The following CTNNA1 variants were observed in gnomAD, a reference collection of about 807,000 sequenced individuals.
The protein encoded by CTNNA1 is catenin alpha 1.
In CTNNA1, 37 loss-of-function variants were observed where a neutral mutation model predicts 98.4. The ratio of observed to expected loss-of-function variants is 0.38; its 90% CI spans 0.29 to 0.49. The LOEUF (loss-of-function observed/expected upper bound fraction) is 0.49, where lower values mean the gene tolerates loss of function less well. Among genes scored for constraint, CTNNA1 ranks in the 20% least tolerant of loss-of-function variants. CTNNA1 has a pLI of 0.95. For missense variants in CTNNA1, 761 were observed against 1,147.2 expected (o/e 0.66, Z 4.86); for synonymous variants, 404 against 413.2 (o/e 0.98, Z 0.27).
chr5:138,851,040 A>AG (rs1364407900), intron 7 of CTNNA1, among the ~76,000 whole-genome samples: 1 of 152,230 alleles, frequency 6.6e-6, no homozygotes, highest in East Asian at 1.9e-4. Context: ...AACAAACAAA[A>AG]GGCATTTATT....
At chr5:138,813,685 G>A (rs1019465894) in intron 5 of CTNNA1, among the ~76,000 whole-genome samples, 1 of 152,148 alleles carries the variant, frequency 6.6e-6, no homozygotes, top group African/African-American at 2.4e-5. Flanking sequence ...GAGTACAGTG[G>A]TGGCATCATG....
In CTNNA1 at chr5:138,874,890, A is replaced by C. The variant is rs199741027; in HGVS notation, c.1063-11322A>C. ...ATTCCTTGTTGAATGTACAAGACAT[A>C]TAAATGCACAGACTTACCCATTCTT... is the stretch of plus-strand genomic sequence containing the variant. On this transcript the variant is annotated intron_variant, in intron 7 of 17. Coordinates refer to ENST00000302763, the MANE Select transcript of CTNNA1 (RefSeq NM_001903.5). The surrounding 1 kb of genome is among the most constrained non-coding windows in gnomAD (Gnocchi z 4.1). The C allele has an allele frequency of 1.3e-4, 213 of 1,610,830 alleles. No homozygotes were observed. In the African/African-American group the frequency reaches 2.7e-3, roughly 20 times the overall value.
At chr5:138,931,032 CT>C in intron 16 of CTNNA1, 97 bp downstream of exon 16, 2 of 731,898 alleles carry the variant, frequency 2.7e-6, no homozygotes, top group East Asian at 2.6e-5. Context: ...GGCCACAGCA[CT>C]TTTGCCACTC....
At position 138,818,024 on chromosome 5, in the gene CTNNA1, G is replaced by A. The variant is rs181431715; in HGVS notation, c.588+5722G>A. 1.2e-4 allele frequency among the ~76,000 whole-genome samples: 18 copies of A among 151,710 alleles called. No individual in the cohort carries two copies. The East Asian group carries it at 2.9e-3, about 24-fold the overall frequency. ...GCCTTAGCCCCGTCCCTGCGCCCCC[G>A]CCCCCACAACCAAGTAGCTGGGATT... On this transcript the variant is annotated intron_variant, in intron 5 of 17. Transcript: ENST00000302763.
intron 12 of CTNNA1, among the ~76,000 whole-genome samples, chr5:138,925,008 TAAGC>T (rs1763701269): frequency 6.6e-6 from 1 of 152,268 alleles, no homozygotes; most frequent in South Asian, 2.1e-4. Flanking sequence ...GTCCCATTCT[TAAGC>T]AAGGCTTCAA....
At chr5:138,790,248 C>T (rs895927626) in intron 3 of CTNNA1, among the ~76,000 whole-genome samples, 23 of 152,290 alleles carry the variant, frequency 1.5e-4, no homozygotes, top group African/African-American at 5.5e-4. Flanking sequence ...CTGATCTTTT[C>T]AGTAGGTAAA....
intron 7 of CTNNA1, among the ~76,000 whole-genome samples, chr5:138,851,537 C>A (rs945487407): frequency 1.3e-5 from 2 of 152,082 alleles, no homozygotes; most frequent in African/African-American, 4.8e-5. Context: ...GGGGGCAGAT[C>A]ACTTGAGGCC....
intron 1 of CTNNA1, among the ~76,000 whole-genome samples, chr5:138,760,490 G>T (rs1437696158): frequency 1.3e-5 from 2 of 151,356 alleles, no homozygotes; most frequent in African/African-American, 4.9e-5. Context: ...TCAGCCTCCT[G>T]AGTAGCTGGG....
chr5:138,816,374 C>G (rs900469075), intron 5 of CTNNA1, among the ~76,000 whole-genome samples: 7 of 152,182 alleles, frequency 4.6e-5, no homozygotes, highest in African/African-American at 7.2e-5. Context: ...TACTGATTTC[C>G]TTTCCTTTGG....
At chr5:138,924,031 C>A (rs577609747) in intron 11 of CTNNA1, among the ~76,000 whole-genome samples, 1 of 152,354 alleles carries the variant, frequency 6.6e-6, no homozygotes, top group African/African-American at 2.4e-5. Context: ...CTTCTCCTAT[C>A]CCAGGGCTGT....
chr5:138,925,468 C>T, intron 13 of CTNNA1, 61 bp downstream of exon 13: 1 of 1,581,614 alleles, frequency 6.3e-7, no homozygotes, highest in Non-Finnish European at 8.6e-7. Context: ...TAAACTTGAG[C>T]AATGCGTCAT....
At chr5:138,902,975 G>T (rs372005806) in intron 9 of CTNNA1, among the ~76,000 whole-genome samples, 3 of 151,884 alleles carry the variant, frequency 2.0e-5, no homozygotes, top group African/African-American at 4.8e-5. Flanking sequence ...GAAATCCCCA[G>T]TCATCTCTGT....
At chr5:138,909,682 T>G (rs1336708661) in intron 10 of CTNNA1, among the ~76,000 whole-genome samples, 2 of 152,224 alleles carry the variant, frequency 1.3e-5, no homozygotes, top group Non-Finnish European at 1.5e-5. Context: ...ATTGAGAAGT[T>G]ACTTCTGAAA....
At chr5:138,904,657 C>A in intron 10 of CTNNA1, 1 of 580,166 alleles carries the variant, frequency 1.7e-6, no homozygotes, top group Non-Finnish European at 2.8e-6. Context: ...CCTGGCCCTT[C>A]ATTGAAAATG....
At chr5:138,839,782 C>T (rs1484735190) in intron 7 of CTNNA1, among the ~76,000 whole-genome samples, 1 of 152,206 alleles carries the variant, frequency 6.6e-6, no homozygotes, top group Non-Finnish European at 1.5e-5. Context: ...AGAACCAAAA[C>T]TCAACCAGTG....
intron 13 of CTNNA1, among the ~76,000 whole-genome samples, chr5:138,928,436 A>G (rs1312592493): frequency 6.6e-6 from 1 of 152,016 alleles, no homozygotes; most frequent in Non-Finnish European, 1.5e-5. Context: ...TACATTGCCT[A>G]TTTTTACTCC....
chr5:138,932,335 A>G (rs1765539578), intron 16 of CTNNA1: 2 of 1,322,210 alleles, frequency 1.5e-6, no homozygotes, highest in Non-Finnish European at 1.9e-6. Context: ...GGCCTTGGCT[A>G]TACAACCAGT....
At chr5:138,795,151 CA>C (rs35532090) in intron 3 of CTNNA1, among the ~76,000 whole-genome samples, 248 of 81,600 alleles carry the variant, frequency 3.0e-3, no homozygotes, top group African/African-American at 9.9e-3. Context: ...GTGAGACTCT[CA>C]AAAAAAAAAA....
At chr5:138,913,762 A>G (rs1761160774) in intron 10 of CTNNA1, among the ~76,000 whole-genome samples, 1 of 152,190 alleles carries the variant, frequency 6.6e-6, no homozygotes, top group East Asian at 1.9e-4. Flanking sequence ...AAGTATTCCA[A>G]TTAATAACAT....
Sources: allele counts gnomAD v4.1 joint callset (sites outside exome capture counted in the v4.1 genomes callset), GRCh38; gene constraint gnomAD v4.1.1; non-coding constraint Gnocchi (gnomAD v3.1); transcripts MANE v1.5; gene names NCBI Gene and HGNC (gene_info 2026-07-23, HGNC 2026-07-21).